RAB3C: variants seen among roughly 807,000 people sequenced by gnomAD.
RAB3C encodes the protein ras-related protein Rab-3C.
RAB3C carries 17 observed loss-of-function variants against 26.4 expected under a neutral mutation model. The observed-to-expected ratio is 0.64, with a 90% CI of 0.44 to 0.97. RAB3C has a LOEUF of 0.97. Among genes scored for constraint, RAB3C ranks in the 50% least tolerant of loss-of-function variants. The pLI is 0.00. For synonymous variants in RAB3C, 91 were observed against 95.9 expected, an observed-to-expected ratio of 0.95 and a Z score of 0.30; for missense variants, 242 against 281.9, an observed-to-expected ratio of 0.86 and a Z score of 1.01.
At chr5:58,771,785 T>G (rs56855280) in intron 3 of RAB3C, among the ~76,000 whole-genome samples, 2,223 of 152,172 alleles carry the variant, frequency 0.015, 51 homozygotes, top group African/African-American at 0.05. Context: ...AAATAAAATC[T>G]GAATATCTGT....
At chr5:58,721,915 G>A (rs1339085381) in intron 2 of RAB3C, among the ~76,000 whole-genome samples, 6 of 151,588 alleles carry the variant, frequency 4.0e-5, no homozygotes, top group East Asian at 2.0e-4. Flanking sequence ...TGTGACTTAC[G>A]TACTATCTGA....
chr5:58,605,415 A>T (rs947566663), intron 1 of RAB3C, among the ~76,000 whole-genome samples: 2 of 152,176 alleles, frequency 1.3e-5, no homozygotes, highest in African/African-American at 4.8e-5. Context: ...CTTGGAAGTC[A>T]TCACTTCCAT....
At chr5:58,754,214 T>G (rs1463616530) in intron 3 of RAB3C, among the ~76,000 whole-genome samples, 1 of 152,212 alleles carries the variant, frequency 6.6e-6, no homozygotes, top group Admixed American at 6.5e-5. Flanking sequence ...TGGTTGAGAC[T>G]TGTGCTTTAC....
intron 3 of RAB3C, among the ~76,000 whole-genome samples, chr5:58,780,813 A>T (rs1210005108): frequency 1.3e-5 from 2 of 152,120 alleles, no homozygotes; most frequent in Non-Finnish European, 2.9e-5. Context: ...CCCTCCTTTG[A>T]AGGAAGTATG....
chr5:58,664,548 C>T (rs552979651), intron 2 of RAB3C, among the ~76,000 whole-genome samples: 237 of 152,156 alleles, frequency 1.6e-3, no homozygotes, highest in Non-Finnish European at 2.7e-3. Context: ...TGGGAATGCT[C>T]TGTAACATTT....
chr5:58,735,150 T>A (rs1258630780), intron 3 of RAB3C, among the ~76,000 whole-genome samples: 1 of 152,124 alleles, frequency 6.6e-6, no homozygotes, highest in Non-Finnish European at 1.5e-5. Flanking sequence ...GCACTCTACT[T>A]GAGGGCTATT....
At chr5:58,698,969 C>T (rs550973009) in intron 2 of RAB3C, among the ~76,000 whole-genome samples, 38 of 152,326 alleles carry the variant, frequency 2.5e-4, no homozygotes, top group African/African-American at 9.1e-4. Context: ...TATTCCGTTG[C>T]TCACAAGGAG....
rs114527923 is a variant in RAB3C, at chr5:58,823,739, A to G, written c.372-1299A>G. On this transcript the variant is annotated intron_variant, in intron 3 of 4. Transcript: ENST00000282878. ...AAACAATGTTCTAGGATGATTTTTCAGACAAAAACAATAAACTTTTTTTAT... is the reference window on the plus strand; with the variant it reads ...AAACAATGTTCTAGGATGATTTTTCGGACAAAAACAATAAACTTTTTTTAT... The G allele has an allele frequency of 2.6e-3, 427 of 165,466 alleles. 3 individuals carry two copies. Among genetic ancestry groups the G allele is most frequent in the African/African-American group, 9.6e-3 (402 of 42,032 alleles). 10.2% of individuals were successfully genotyped at this position (165,466 alleles called of 1,614,324 possible).
intron 3 of RAB3C, among the ~76,000 whole-genome samples, chr5:58,797,845 C>T (rs1742708877): frequency 6.6e-6 from 1 of 152,160 alleles, no homozygotes; most frequent in South Asian, 2.1e-4. Context: ...GATTTGGCGA[C>T]TAATTTGTGC....
intron 2 of RAB3C, among the ~76,000 whole-genome samples, chr5:58,672,722 C>G (rs1203114852): frequency 6.6e-6 from 1 of 152,102 alleles, no homozygotes; most frequent in Non-Finnish European, 1.5e-5. Context: ...GATTATTCAG[C>G]AATAAAAAGG....
intron 1 of RAB3C, among the ~76,000 whole-genome samples, chr5:58,592,673 G>A (rs1278372958): frequency 6.6e-6 from 1 of 152,020 alleles, no homozygotes; most frequent in Non-Finnish European, 1.5e-5. Flanking sequence ...TTTTGAATAA[G>A]AGTTTTGCCT....
chr5:58,693,836 G>A (rs1748630084), intron 2 of RAB3C, among the ~76,000 whole-genome samples: 1 of 152,156 alleles, frequency 6.6e-6, no homozygotes, highest in African/African-American at 2.4e-5. Context: ...TGAATGAAAA[G>A]CCAGAGTCAC....
chr5:58,827,271 T>C (rs1743504326), intron 4 of RAB3C, among the ~76,000 whole-genome samples: 1 of 152,226 alleles, frequency 6.6e-6, no homozygotes, highest in Non-Finnish European at 1.5e-5. Context: ...CTCTTCCCTG[T>C]CTTCCTGTGT....
intron 2 of RAB3C, among the ~76,000 whole-genome samples, chr5:58,699,935 C>T (rs1457112014): frequency 6.6e-6 from 1 of 152,212 alleles, no homozygotes; most frequent in Admixed American, 6.5e-5. Flanking sequence ...GAGGCGATGC[C>T]ATGCCCTGCT....
intron 2 of RAB3C, among the ~76,000 whole-genome samples, chr5:58,630,532 G>C (rs535226257): frequency 2.6e-5 from 4 of 152,192 alleles, no homozygotes; most frequent in Admixed American, 6.5e-5. Flanking sequence ...GAGAAAAGTG[G>C]CATTTAAAAA....
At chr5:58,589,216 A>G (rs1192847167) in intron 1 of RAB3C, among the ~76,000 whole-genome samples, 2 of 151,906 alleles carry the variant, frequency 1.3e-5, no homozygotes, top group Non-Finnish European at 2.9e-5. Flanking sequence ...ATTTTGTTGG[A>G]TTTCATGGAT....
chr5:58,810,949 G>A (rs537558527), intron 3 of RAB3C, among the ~76,000 whole-genome samples: 2 of 152,124 alleles, frequency 1.3e-5, no homozygotes, highest in South Asian at 2.1e-4. Flanking sequence ...CCACCAAAAC[G>A]GCACAACCAT....
rs1744323372 is a variant in RAB3C at position 58,858,912 on chromosome 5, C to A, written c.*7561C>A. On this transcript the variant is annotated 3_prime_UTR_variant, in exon 5 of 5. Coordinates refer to ENST00000282878, the MANE Select transcript of RAB3C (RefSeq NM_138453.4). ...GTTGATTTAGACATTTGCCAGTGCACCAAACCATGAGAGATTGTCCGACCT... is the reference window on the plus strand; with the variant it reads ...GTTGATTTAGACATTTGCCAGTGCAACAAACCATGAGAGATTGTCCGACCT... 1 of 152,144 alleles carries A rather than the reference C, an allele frequency of 6.6e-6. No homozygotes were observed. Among genetic ancestry groups the A allele is most frequent in the Non-Finnish European group, 1.5e-5 (1 of 68,040 alleles). The allele number at this position is 152,144 out of a possible 1,614,324, so 9.4% of individuals were successfully genotyped here.
intron 4 of RAB3C, among the ~76,000 whole-genome samples, chr5:58,838,208 GTC>G (rs1743791853): frequency 6.6e-6 from 1 of 151,908 alleles, no homozygotes; most frequent in Non-Finnish European, 1.5e-5. Context: ...GTGAAACCCC[GTC>G]TCTACTAAAA....
Sources: allele counts gnomAD v4.1 joint callset (sites outside exome capture counted in the v4.1 genomes callset), GRCh38; gene constraint gnomAD v4.1.1; transcripts MANE v1.5; gene names NCBI Gene and HGNC (gene_info 2026-07-23, HGNC 2026-07-21).